Variants in ANAPC10 observed in about 807,000 individuals in gnomAD.
ANAPC10 encodes the protein anaphase promoting complex subunit 10.
In ANAPC10, 12 loss-of-function variants were observed where a neutral mutation model predicts 22.0. That is an observed-to-expected ratio of 0.55 (90% CI 0.35 to 0.88). The LOEUF (loss-of-function observed/expected upper bound fraction) is 0.88, where lower values mean the gene tolerates loss of function less well. Ranked by LOEUF, ANAPC10 falls within the 40% of genes least tolerant of loss-of-function variation. The pLI is 0.01. For missense variants in ANAPC10, 188 were observed against 220.9 expected, an observed-to-expected ratio of 0.85 and a Z score of 0.94; for synonymous variants, 65 against 69.5, an observed-to-expected ratio of 0.94 and a Z score of 0.32.
At chr4:145,037,166 C>G (rs1738705685) in intron 4 of ANAPC10, among the ~76,000 whole-genome samples, 1 of 151,970 alleles carries the variant, frequency 6.6e-6, no homozygotes, top group Non-Finnish European at 1.5e-5. Context: ...TAGTTTTTTC[C>G]AAGTCCTTCA....
chr4:145,026,945 A>G (rs112176287), intron 4 of ANAPC10, among the ~76,000 whole-genome samples: 7,316 of 17,580 alleles, frequency 0.42, 2,046 homozygotes, highest in East Asian at 0.67. Flanking sequence ...ATATATATAT[A>G]TGTGTGTGTG....
chr4:145,062,992 T>C (rs946439448), intron 4 of ANAPC10, among the ~76,000 whole-genome samples: 2 of 152,130 alleles, frequency 1.3e-5, no homozygotes, highest in African/African-American at 4.8e-5. Context: ...AGGAGAATGA[T>C]AGTTTCTAGG....
chr4:145,006,343 G>T lies in ANAPC10; in HGVS notation c.328-10740C>A, dbSNP rs867017074. Among the ~76,000 whole-genome samples the T allele has an allele frequency of 3.9e-5, 6 of 152,196 alleles. 1 individual carries two copies. Among genetic ancestry groups the T allele is most frequent in the African/African-American group, 7.2e-5 (3 of 41,542 alleles). ...GGAATTTGTTTGGCAAACATAAAGGGATTTGCTGGGCAGATCCCTTTACCT... is the reference window on the plus strand; with the variant it reads ...GGAATTTGTTTGGCAAACATAAAGGTATTTGCTGGGCAGATCCCTTTACCT... On this transcript the variant is annotated intron_variant, in intron 4 of 4. Coordinates refer to ENST00000507656, the MANE Select transcript of ANAPC10 (RefSeq NM_001256706.2).
At chr4:145,012,160 GTA>G (rs772054364) in intron 4 of ANAPC10, among the ~76,000 whole-genome samples, 3 of 133,954 alleles carry the variant, frequency 2.2e-5, no homozygotes, top group African/African-American at 8.7e-5. Flanking sequence ...CAAGCTATAT[GTA>G]TATGTGTGTG....
At chr4:145,042,465 T>C (rs1008379250) in intron 4 of ANAPC10, among the ~76,000 whole-genome samples, 10 of 152,208 alleles carry the variant, frequency 6.6e-5, no homozygotes, top group African/African-American at 2.2e-4. Flanking sequence ...AACATCAATA[T>C]TTAAATCAAT....
chr4:145,004,241 A>T (rs1733007383), intron 4 of ANAPC10, among the ~76,000 whole-genome samples: 1 of 152,052 alleles, frequency 6.6e-6, no homozygotes, highest in South Asian at 2.1e-4. Flanking sequence ...GCTTTGGGGC[A>T]GAGTAACTAT....
At chr4:145,069,370 G>A (rs760936757) in intron 3 of ANAPC10, among the ~76,000 whole-genome samples, 7 of 152,192 alleles carry the variant, frequency 4.6e-5, no homozygotes, top group South Asian at 2.1e-4. Context: ...AGAAATATGC[G>A]TGGGGTCCCC....
intron 3 of ANAPC10, among the ~76,000 whole-genome samples, chr4:145,079,084 G>A (rs1030000782): frequency 2.6e-5 from 4 of 152,140 alleles, no homozygotes; most frequent in African/African-American, 2.4e-5. Context: ...AACTATTAAC[G>A]GAGTAAACAG....
In ANAPC10 at chr4:144,994,997, T is replaced by C. The variant is rs35951149; in HGVS notation, c.*376A>G. 9.2e-3 allele frequency: 1,449 copies of C among 157,582 alleles called. 21 individuals are homozygous for C. The highest frequency in any genetic ancestry group is 0.033 in the African/African-American group (1,379 of 41,606). The allele number at this position is 157,582 out of a possible 1,614,324, so 9.8% of individuals were successfully genotyped here. A position where few individuals can be genotyped will look rare whatever the true frequency, so the allele number is the denominator to read the frequency against. On this transcript the variant is annotated 3_prime_UTR_variant, in exon 5 of 5. Coordinates refer to ENST00000507656, the MANE Select transcript of ANAPC10 (RefSeq NM_001256706.2). ...TAAAACACAGTCTTGTTCTCAAATATGCAATAAACCATTACTCTAATGTAT... is the reference window on the plus strand; with the variant it reads ...TAAAACACAGTCTTGTTCTCAAATACGCAATAAACCATTACTCTAATGTAT...
chr4:145,003,356 T>G lies in ANAPC10; in HGVS notation c.328-7753A>C, dbSNP rs548036016. On this transcript the variant is annotated intron_variant, in intron 4 of 4. Coordinates refer to ENST00000507656, the MANE Select transcript of ANAPC10 (RefSeq NM_001256706.2). Reference sequence around the variant, plus strand: ...AATGAACATACATGTGCATATGTCTTTATGGTAGAACGATTTATATTCCCT... The same window carrying G: ...AATGAACATACATGTGCATATGTCTGTATGGTAGAACGATTTATATTCCCT... 2.0e-5 allele frequency among the ~76,000 whole-genome samples: 3 copies of G among 152,322 alleles called. No individual in the cohort carries two copies. In the East Asian group the frequency reaches 5.8e-4, roughly 29 times the overall value.
intron 4 of ANAPC10, among the ~76,000 whole-genome samples, chr4:145,047,872 G>A (rs1233345230): frequency 2.0e-5 from 3 of 152,114 alleles, no homozygotes; most frequent in Non-Finnish European, 4.4e-5. Flanking sequence ...GTAGAACAGT[G>A]AAGGCAGAAA....
chr4:145,075,673 T>C (rs1399649997), intron 3 of ANAPC10, among the ~76,000 whole-genome samples: 6 of 152,130 alleles, frequency 3.9e-5, no homozygotes, highest in Non-Finnish European at 8.8e-5. Flanking sequence ...ATTAACTAAA[T>C]AGGTGTGGAG....
At chr4:145,013,071 C>T (rs1214665396) in intron 4 of ANAPC10, among the ~76,000 whole-genome samples, 1 of 152,100 alleles carries the variant, frequency 6.6e-6, no homozygotes, top group Non-Finnish European at 1.5e-5. Context: ...TTCAGCATTT[C>T]CTGAGGCTTC....
At chr4:145,041,035 T>C (rs992884821) in intron 4 of ANAPC10, among the ~76,000 whole-genome samples, 3 of 152,092 alleles carry the variant, frequency 2.0e-5, no homozygotes, top group Non-Finnish European at 4.4e-5. Context: ...AAAAAACAAC[T>C]GAAGTAGCTC....
At chr4:145,051,742 G>A (rs1193373232) in intron 4 of ANAPC10, among the ~76,000 whole-genome samples, 1 of 152,032 alleles carries the variant, frequency 6.6e-6, no homozygotes, top group Admixed American at 6.6e-5. Context: ...ATTGTAAAGA[G>A]ACATTCTATA....
chr4:145,088,380 T>G (rs1011723282), intron 2 of ANAPC10, among the ~76,000 whole-genome samples: 1 of 152,212 alleles, frequency 6.6e-6, no homozygotes, highest in Non-Finnish European at 1.5e-5. Flanking sequence ...AATTGCTTAC[T>G]AAACATTTCA....
At chr4:145,020,416 T>A (rs1021753086) in intron 4 of ANAPC10, among the ~76,000 whole-genome samples, 6 of 152,036 alleles carry the variant, frequency 3.9e-5, no homozygotes, top group African/African-American at 1.4e-4. Flanking sequence ...AAAATCGGCA[T>A]AAAGGAACAT....
chr4:145,029,316 T>C (rs1418340510), intron 4 of ANAPC10, among the ~76,000 whole-genome samples: 1 of 152,148 alleles, frequency 6.6e-6, no homozygotes, highest in Non-Finnish European at 1.5e-5. Context: ...CTGAGGTAGC[T>C]GCCAGGCAAG....
At position 144,995,351 on chromosome 4, in the gene ANAPC10, T is replaced by C. The variant is rs765357337; in HGVS notation, c.*22A>G. On this transcript the variant is annotated 3_prime_UTR_variant, in exon 5 of 5. Coordinates refer to ENST00000507656, the MANE Select transcript of ANAPC10 (RefSeq NM_001256706.2). Reference sequence around the variant, plus strand: ...CAGGATAAAACAAAGATACGTTTAATGATTTTCGTCTCATTTTAAAGTCAC... The same window carrying C: ...CAGGATAAAACAAAGATACGTTTAACGATTTTCGTCTCATTTTAAAGTCAC... 2.0e-6 allele frequency: 3 copies of C among 1,475,864 alleles called. No individual in the cohort carries two copies. Among genetic ancestry groups the C allele is most frequent in the Non-Finnish European group, 1.9e-6 (2 of 1,061,518 alleles). 91.4% of individuals were successfully genotyped at this position (1,475,864 alleles called of 1,614,324 possible).
Sources: allele counts gnomAD v4.1 joint callset (sites outside exome capture counted in the v4.1 genomes callset), GRCh38; gene constraint gnomAD v4.1.1; transcripts MANE v1.5; gene names NCBI Gene and HGNC (gene_info 2026-07-23, HGNC 2026-07-21).